KCTD1: variants seen among roughly 807,000 people sequenced by gnomAD.
KCTD1 encodes the protein potassium channel tetramerization domain containing 1, also known as BTB/POZ domain-containing protein KCTD1.
KCTD1 carries 24 observed loss-of-function variants against 66.0 expected under a neutral mutation model. The observed-to-expected ratio is 0.36, with a 90% confidence interval of 0.26 to 0.51. The LOEUF (loss-of-function observed/expected upper bound fraction) is 0.51. KCTD1 is among the 20% of genes least tolerant of loss of function. The pLI, the probability that KCTD1 is intolerant of heterozygous loss-of-function variation, is 0.95. For missense variants in KCTD1, 943 were observed against 1,205.2 expected (o/e 0.78, Z 3.22); for synonymous variants, 511 against 517.2 (o/e 0.99, Z 0.16).
chr18:26,476,503 TG>T lies in KCTD1; in HGVS notation c.2133+11del. 7 of 1,598,686 alleles carry T rather than the reference TG, an allele frequency of 4.4e-6. No homozygotes were observed. Among genetic ancestry groups the T allele is most frequent in the Non-Finnish European group, 3.4e-6 (4 of 1,176,058 alleles). On this transcript the variant is annotated intron_variant, in intron 3 of 4. Coordinates refer to ENST00000580059, the MANE Select transcript of KCTD1 (RefSeq NM_001142730.3). This position sits in a 1 kb window ranked among gnomAD's most constrained non-coding sequence, Gnocchi z 4.9. ...TATTTATGCTATTGGTGATTTAACA[TG>T]GATCCCTCACCTTGAAATCATCAGG...
chr18:26,537,706 G>C (rs1358276535), intron 1 of KCTD1, among the ~76,000 whole-genome samples: 1 of 152,176 alleles, frequency 6.6e-6, no homozygotes, highest in Non-Finnish European at 1.5e-5. Context: ...CCTACTTCTA[G>C]AATACTGAAA....
chr18:26,459,661 T>C lies in KCTD1; in HGVS notation c.2398A>G (p.Arg800Gly). 6.2e-7 allele frequency: 1 copy of C among 1,609,456 alleles called. No homozygotes were observed. The highest frequency in any genetic ancestry group is 8.5e-7 in the Non-Finnish European group (1 of 1,176,592). ...TGACAGTAGCCATTTAGTGGAAACC[T>C]GATGACGTGCGTCGAGTCGTGATTC... The part of the protein sequence containing the change: ...GWNHDSTHVI[R>G]FPLNGYCHLN... Residue 800 changes from arginine (R) to glycine (G), a missense_variant, in exon 4 of 5, where the codon AGG (arginine) becomes GGG (glycine). By Grantham distance (125) the Arg-to-Gly change is moderately radical. This residue lies in a region of KCTD1 where 162 missense variants were observed against 232.4 expected (regional missense o/e 0.70). Coordinates refer to ENST00000580059, the MANE Select transcript of KCTD1 (RefSeq NM_001142730.3).
Position 26,506,065 on chromosome 18 carries a change from A to G in KCTD1, c.1810-4815T>C, listed in dbSNP as rs1275892422. ...TAATTTTTTTTTTCATGTTTTTAGT[A>G]GAAATGGGGTTTCGCTATGTTGCCC... On this transcript the variant is annotated intron_variant, in intron 1 of 4. Transcript: ENST00000580059. Among the ~76,000 whole-genome samples the G allele has an allele frequency of 2.0e-5, 3 of 151,714 alleles. No homozygotes were observed. In the East Asian group the frequency reaches 5.8e-4, roughly 30 times the overall value.
chr18:26,571,924 C>T (rs1340284378), intron 1 of KCTD1, among the ~76,000 whole-genome samples: 1 of 152,080 alleles, frequency 6.6e-6, no homozygotes, highest in Non-Finnish European at 1.5e-5. Flanking sequence ...TCAAGAAGAA[C>T]AAATTAACCC....
chr18:26,463,685 C>T (rs1355724508), intron 3 of KCTD1, among the ~76,000 whole-genome samples: 3 of 152,086 alleles, frequency 2.0e-5, no homozygotes, highest in Non-Finnish European at 4.4e-5. Context: ...TACAGGTGCC[C>T]ACCACTACGC....
At chr18:26,581,341 AG>A (rs1438964304) in intron 1 of KCTD1, 1 of 152,198 alleles carries the variant, frequency 6.6e-6, no homozygotes, top group Non-Finnish European at 1.5e-5. Context: ...TCAACCTTCC[AG>A]GCTCAAGCAA....
intron 1 of KCTD1, among the ~76,000 whole-genome samples, chr18:26,646,595 C>A (rs1295558383): frequency 6.6e-6 from 1 of 152,054 alleles, no homozygotes; most frequent in African/African-American, 2.4e-5. Context: ...ATGAACACTT[C>A]AACTGTACAA....
chr18:26,584,569 A>G (rs62085478), intron 1 of KCTD1, among the ~76,000 whole-genome samples: 13,423 of 152,196 alleles, frequency 0.088, 611 homozygotes, highest in African/African-American at 0.11. Context: ...TGAGGAGATT[A>G]CTATGTGTCA....
rs1002833047 is a variant in KCTD1 at position 26,523,505 on chromosome 18, G to A, written c.1810-22255C>T. Reference sequence around the variant, plus strand: ...AGAAGCACATTAAAATCTGAAAAAAGCTGAGTGTGGTGGCTCAAGCCTGTA... The same window carrying A: ...AGAAGCACATTAAAATCTGAAAAAAACTGAGTGTGGTGGCTCAAGCCTGTA... On this transcript the variant is annotated intron_variant, in intron 1 of 4. Coordinates refer to ENST00000580059, the MANE Select transcript of KCTD1 (RefSeq NM_001142730.3). Among the ~76,000 whole-genome samples, 9 of 152,284 alleles carry A rather than the reference G, an allele frequency of 5.9e-5. No individual in the cohort carries two copies. The South Asian group carries it at 1.7e-3, about 28-fold the overall frequency.
chr18:26,654,968 A>C (rs879664125), intron 1 of KCTD1, among the ~76,000 whole-genome samples: 1 of 152,240 alleles, frequency 6.6e-6, no homozygotes, highest in Non-Finnish European at 1.5e-5. Context: ...CACGAGGAAT[A>C]AATCGGCACA....
At chr18:26,527,051 G>C (rs543082914) in intron 1 of KCTD1, among the ~76,000 whole-genome samples, 10 of 152,204 alleles carry the variant, frequency 6.6e-5, no homozygotes, top group African/African-American at 2.2e-4. Flanking sequence ...CCTGCCCTCT[G>C]CCTGGGACAT....
At chr18:26,653,378 G>T (rs181549454) in intron 1 of KCTD1, among the ~76,000 whole-genome samples, 2 of 152,200 alleles carry the variant, frequency 1.3e-5, no homozygotes, top group East Asian at 3.9e-4. Context: ...TCTTGCCCAG[G>T]CCCCTTCATC....
At chr18:26,577,696 A>G (rs998441313) in intron 1 of KCTD1, among the ~76,000 whole-genome samples, 2 of 151,994 alleles carry the variant, frequency 1.3e-5, no homozygotes, top group Admixed American at 6.6e-5. Context: ...CGGGAGTCCA[A>G]CACCATGCCT....
intron 1 of KCTD1, among the ~76,000 whole-genome samples, chr18:26,636,608 C>T (rs1987728920): frequency 6.6e-6 from 1 of 152,194 alleles, no homozygotes; most frequent in African/African-American, 2.4e-5. Context: ...CTTTCAATGG[C>T]AAAAGCCACA....
chr18:26,479,984 G>T (rs16942357), intron 2 of KCTD1, among the ~76,000 whole-genome samples: 1 of 147,588 alleles, frequency 6.8e-6, no homozygotes, highest in Non-Finnish European at 1.5e-5. Flanking sequence ...GAACATTCCT[G>T]TTTTCCAACT....
intron 2 of KCTD1, among the ~76,000 whole-genome samples, chr18:26,483,537 G>T (rs1032946075): frequency 1.1e-4 from 17 of 152,214 alleles, no homozygotes; most frequent in African/African-American, 3.9e-4. Flanking sequence ...CCAAAGTACT[G>T]GGATTACAGG....
chr18:26,507,787 G>A (rs1983121541), intron 1 of KCTD1, among the ~76,000 whole-genome samples: 2 of 152,070 alleles, frequency 1.3e-5, no homozygotes, highest in Non-Finnish European at 2.9e-5. Flanking sequence ...GGCACGTACT[G>A]TATGATTGTA....
At chr18:26,501,572 G>A (rs1982765529) in intron 1 of KCTD1, among the ~76,000 whole-genome samples, 2 of 152,198 alleles carry the variant, frequency 1.3e-5, no homozygotes, top group Admixed American at 1.3e-4. Flanking sequence ...GATATGAAAA[G>A]TCTATTCATT....
chr18:26,532,420 C>T (rs1191474193), intron 1 of KCTD1, among the ~76,000 whole-genome samples: 1 of 151,854 alleles, frequency 6.6e-6, no homozygotes, highest in Non-Finnish European at 1.5e-5. Context: ...TGCACTCCCA[C>T]ACCCAGCTAC....
Sources: gnomAD v4.1 joint callset for allele counts (sites outside exome capture counted in the v4.1 genomes callset) on GRCh38, gnomAD v4.1.1 for gene constraint, gnomAD v4.1.1 regional missense constraint, Gnocchi (gnomAD v3.1) non-coding constraint, MANE v1.5 for transcripts, NCBI Gene and HGNC (gene_info 2026-07-23, HGNC 2026-07-21) for gene names.